NUSAP1: variants seen among roughly 807,000 people sequenced by gnomAD.
NUSAP1 encodes the protein nucleolar and spindle associated protein 1, also known as nucleolar and spindle-associated protein 1.
NUSAP1 carries 32 observed loss-of-function variants against 52.8 expected under a neutral mutation model. The observed-to-expected ratio is 0.61, with a 90% CI of 0.46 to 0.81. NUSAP1 has a LOEUF of 0.81. NUSAP1 is among the 40% of genes least tolerant of loss of function. The probability of loss-of-function intolerance (pLI) is 0.00; values close to 1 mark genes in which losing one functional copy is unlikely to be tolerated. For synonymous variants in NUSAP1, 195 were observed against 183.1 expected (o/e 1.06, Z -0.52); for missense variants, 499 against 522.3 (o/e 0.96, Z 0.43).
At chr15:41,336,659 T>TTTTTTTGTTTG (rs1567036622) in intron 1 of NUSAP1, among the ~76,000 whole-genome samples, 2 of 147,864 alleles carry the variant, frequency 1.4e-5, no homozygotes, top group African/African-American at 2.5e-5. Context: ...TTTTTTTTTT[T>TTTTTTTGTTTG]TTTTTTTTTT....
At chr15:41,370,623 G>T (rs913345400) in intron 7 of NUSAP1, among the ~76,000 whole-genome samples, 2 of 151,832 alleles carry the variant, frequency 1.3e-5, no homozygotes, top group African/African-American at 2.4e-5. Context: ...GGTGGCGCAT[G>T]CCTGTAATCA....
chr15:41,370,793 A>G (rs1240839204), intron 7 of NUSAP1, among the ~76,000 whole-genome samples: 1 of 150,874 alleles, frequency 6.6e-6, no homozygotes, highest in African/African-American at 2.4e-5. Flanking sequence ...GCAGTGGCAC[A>G]TACCCATAGT....
At chr15:41,378,944 G>GTTTTTTGTTTTTTTTTTTTT (rs2050092974) in intron 10 of NUSAP1, among the ~76,000 whole-genome samples, 1 of 63,270 alleles carries the variant, frequency 1.6e-5, no homozygotes, top group African/African-American at 7.0e-5. Flanking sequence ...ACTTATCTTG[G>GTTTTTTGTTTTTTTTTTTTT]TTTTTTTTTT....
chr15:41,345,871 C>G (rs562730011), intron 2 of NUSAP1, among the ~76,000 whole-genome samples: 5 of 152,304 alleles, frequency 3.3e-5, no homozygotes, highest in Non-Finnish European at 7.3e-5. Context: ...AAAGGTCCAT[C>G]TGGATGTCTC....
At chr15:41,338,374 G>A (rs2048248477) in intron 1 of NUSAP1, among the ~76,000 whole-genome samples, 1 of 152,148 alleles carries the variant, frequency 6.6e-6, no homozygotes, top group African/African-American at 2.4e-5. Context: ...AGCATTGACA[G>A]TCTCTTCCCC....
chr15:41,377,774 G>GCA (rs1567080424), intron 10 of NUSAP1, among the ~76,000 whole-genome samples: 1 of 150,246 alleles, frequency 6.7e-6, no homozygotes, highest in Non-Finnish European at 1.5e-5. Context: ...GGAGGCCGAG[G>GCA]GGGGCAGATC....
intron 2 of NUSAP1, among the ~76,000 whole-genome samples, chr15:41,343,826 G>GA (rs2048455132): frequency 6.6e-6 from 1 of 151,964 alleles, no homozygotes; most frequent in African/African-American, 2.4e-5. Flanking sequence ...TTAATTAACT[G>GA]AAAATAGACA....
chr15:41,374,006 A>T (rs532733055), intron 8 of NUSAP1, among the ~76,000 whole-genome samples: 1 of 152,100 alleles, frequency 6.6e-6, no homozygotes, highest in African/African-American at 2.4e-5. Flanking sequence ...TGGCTAACAC[A>T]CTGAAACCCC....
intron 1 of NUSAP1, among the ~76,000 whole-genome samples, chr15:41,336,791 C>T (rs1369893915): frequency 6.6e-6 from 1 of 151,012 alleles, no homozygotes; most frequent in Non-Finnish European, 1.5e-5. Flanking sequence ...GGATTACAGG[C>T]ACGTGCCACC....
At chr15:41,369,556 G>A (rs1374613599) in intron 7 of NUSAP1, among the ~76,000 whole-genome samples, 1 of 151,960 alleles carries the variant, frequency 6.6e-6, no homozygotes, top group Non-Finnish European at 1.5e-5. Flanking sequence ...GCTGAGGCAA[G>A]AGAATCGCGT....
chr15:41,355,662 T>TTTTTG lies in NUSAP1; in HGVS notation c.449-373_449-372insGTTTT, dbSNP rs1555429496. 4.3e-3 allele frequency among the ~76,000 whole-genome samples: 660 copies of TTTTTG among 151,848 alleles called. 6 individuals are homozygous for TTTTTG. Among genetic ancestry groups the TTTTTG allele is most frequent in the Non-Finnish European group, 4.9e-3 (332 of 67,946 alleles). On this transcript the variant is annotated intron_variant, in intron 4 of 10. Transcript: ENST00000559596. The stretch of plus-strand genomic sequence containing the variant: ...ACTCTGTTAACTTACACACGTTTTT[T>TTTTTG]TTTTTGTTTTTGTTTTTGTTTTTGT...
In NUSAP1 at chr15:41,380,144, G is replaced by C. The variant is rs746462891; in HGVS notation, c.1284G>C (p.Lys428Asn). Residue 428 changes from lysine (K) to asparagine (N), a missense_variant, in exon 11 of 11, where the codon AAG (lysine) becomes AAC (asparagine). Coordinates refer to ENST00000559596, the MANE Select transcript of NUSAP1 (RefSeq NM_016359.5). The part of the protein sequence containing the change: ...REQERKEKKA[K>N]VLGMRRGLIL... ...AAGAACGAAAGGAGAAGAAAGCAAA[G>C]GTTTTGGGAATGCGAAGGGGCCTCA... 2 of 1,588,116 alleles carry C rather than the reference G, an allele frequency of 1.3e-6. No individual in the cohort carries two copies. Among genetic ancestry groups the C allele is most frequent in the African/African-American group, 1.3e-5 (1 of 74,434 alleles).
rs753999209 is a variant in NUSAP1 at position 41,375,662 on chromosome 15, C to T, written c.1007-50C>T. 20 of 1,130,424 alleles carry T rather than the reference C, an allele frequency of 1.8e-5. No homozygotes were observed. The South Asian group carries it at 2.5e-4, about 14-fold the overall frequency. 70.0% of individuals were successfully genotyped at this position (1,130,424 alleles called of 1,614,324 possible). On this transcript the variant is annotated intron_variant, in intron 8 of 10. Coordinates refer to ENST00000559596, the MANE Select transcript of NUSAP1 (RefSeq NM_016359.5). ...AGTAACACTTTGATAAACACTTTACCAGGTCTTTGTTTCTAATTAAGCTCT... is the reference window on the plus strand; with the variant it reads ...AGTAACACTTTGATAAACACTTTACTAGGTCTTTGTTTCTAATTAAGCTCT...
chr15:41,336,853 A>G (rs1267322108), intron 1 of NUSAP1, among the ~76,000 whole-genome samples: 1 of 151,242 alleles, frequency 6.6e-6, no homozygotes, highest in South Asian at 2.1e-4. Flanking sequence ...TTTGAGGATA[A>G]TTACTTTTTA....
intron 7 of NUSAP1, among the ~76,000 whole-genome samples, chr15:41,369,058 A>G (rs1196280235): frequency 1.4e-5 from 2 of 142,628 alleles, no homozygotes; most frequent in East Asian, 4.3e-4. Context: ...GGCCTATTCT[A>G]TTTTTGAGAC....
rs1197937548 is a variant in NUSAP1 at position 41,375,848 on chromosome 15, G to C, written c.1123+20G>C. 1 of 1,501,470 alleles carries C rather than the reference G, an allele frequency of 6.7e-7. No individual in the cohort carries two copies. Among genetic ancestry groups the C allele is most frequent in the Non-Finnish European group, 9.3e-7 (1 of 1,077,666 alleles). 93.0% of individuals were successfully genotyped at this position (1,501,470 alleles called of 1,614,324 possible). On this transcript the variant is annotated intron_variant, in intron 9 of 10. Transcript: ENST00000559596. The stretch of plus-strand genomic sequence containing the variant: ...ACAAAGGTATGTGGGAGTGTTTTGA[G>C]CTACAGGGCCTGTAAAATACTTAAG...
At chr15:41,377,495 C>A (rs921565325) in intron 10 of NUSAP1, among the ~76,000 whole-genome samples, 191 bp downstream of exon 10, 1 of 149,028 alleles carries the variant, frequency 6.7e-6, no homozygotes, top group Non-Finnish European at 1.5e-5. Flanking sequence ...GTCAGGAGAT[C>A]GAAACCATCC....
chr15:41,353,299 C>T (rs961787646), intron 4 of NUSAP1, among the ~76,000 whole-genome samples: 1 of 151,992 alleles, frequency 6.6e-6, no homozygotes, highest in East Asian at 1.9e-4. Context: ...TACATGTGTG[C>T]ACCACCATGT....
chr15:41,338,938 C>G (rs1255970212), intron 1 of NUSAP1, among the ~76,000 whole-genome samples: 1 of 151,990 alleles, frequency 6.6e-6, no homozygotes, highest in Non-Finnish European at 1.5e-5. Flanking sequence ...GCACTCCACC[C>G]TGGGCGACAG....
Sources: allele counts gnomAD v4.1 joint callset (sites outside exome capture counted in the v4.1 genomes callset), GRCh38; gene constraint gnomAD v4.1.1; transcripts MANE v1.5; gene names NCBI Gene and HGNC (gene_info 2026-07-23, HGNC 2026-07-21).